Variants in GC observed in about 807,000 individuals in gnomAD.
The protein encoded by GC is GC vitamin D binding protein, also known as vitamin D-binding protein.
A neutral mutation model predicts 56.7 loss-of-function variants in GC; 43 were observed. That is an observed-to-expected ratio of 0.76 (90% CI 0.59 to 0.98). The LOEUF (loss-of-function observed/expected upper bound fraction) is 0.98. Among genes scored for constraint, GC ranks in the 50% least tolerant of loss-of-function variants. GC has a pLI of 0.00. For synonymous variants in GC, 216 were observed against 202.7 expected (o/e 1.07, Z -0.56); for missense variants, 529 against 545.9 (o/e 0.97, Z 0.31).
chr4:71,797,092 T>C lies in GC; in HGVS notation c.21+6834A>G, dbSNP rs537111469. Among the ~76,000 whole-genome samples, 4 of 152,348 alleles carry C rather than the reference T, an allele frequency of 2.6e-5. No individual in the cohort carries two copies. In the East Asian group the frequency reaches 7.7e-4, roughly 29 times the overall value. Reference sequence around the variant, plus strand: ...CAGAGGGGCACCTGCCTGTATGAGATGTCTGTCAGCCCCTACTGTGAGATG... The same window carrying C: ...CAGAGGGGCACCTGCCTGTATGAGACGTCTGTCAGCCCCTACTGTGAGATG... On this transcript the variant is annotated intron_variant, in intron 1 of 13. Transcript: ENST00000504199.
At chr4:71,802,675 G>A (rs559680686) in intron 1 of GC, among the ~76,000 whole-genome samples, 34 of 152,258 alleles carry the variant, frequency 2.2e-4, no homozygotes, top group African/African-American at 8.2e-4. Context: ...GCTCTTTCTT[G>A]ATATCTGAGA....
In GC at chr4:71,763,343, C is replaced by T. The variant is rs1411293622; in HGVS notation, c.701+65G>A. The T allele has an allele frequency of 1.4e-5, 11 of 766,998 alleles. No individual in the cohort carries two copies. The Admixed American group carries it at 2.2e-4, about 15-fold the overall frequency. 47.5% of individuals were successfully genotyped at this position (766,998 alleles called of 1,614,324 possible). On this transcript the variant is annotated intron_variant, in intron 6 of 12. Transcript: ENST00000273951. The stretch of plus-strand genomic sequence containing the variant: ...ATATAGACAGCTTCTTAAAAAAACC[C>T]TAATATTATGGATAGACAGTGCAGA...
chr4:71,743,144 A>C (rs769411168), intron 12 of GC, among the ~76,000 whole-genome samples: 7 of 152,206 alleles, frequency 4.6e-5, no homozygotes, highest in Non-Finnish European at 7.3e-5. Context: ...ATTGAGAGTG[A>C]AATAGCGTGA....
chr4:71,746,328 C>T (rs556194067), intron 11 of GC, 123 bp from the exon 12 acceptor site: 1 of 553,502 alleles, frequency 1.8e-6, no homozygotes, highest in East Asian at 2.9e-5. Context: ...TGCCAAGATG[C>T]AATGTTACAT....
At chr4:71,747,306 G>A (rs1463252459) in intron 11 of GC, among the ~76,000 whole-genome samples, 1 of 152,056 alleles carries the variant, frequency 6.6e-6, no homozygotes, top group Non-Finnish European at 1.5e-5. Flanking sequence ...GTAGAGATTT[G>A]GAGATTAAAA....
rs80250535 is a variant in GC, at chr4:71,743,211, G to T, written c.*26-1341C>A. On this transcript the variant is annotated intron_variant, in intron 12 of 12. Coordinates refer to ENST00000273951, the MANE Select transcript of GC (RefSeq NM_000583.4). ...ATTACTAGGGATCGGAATACCTTGA[G>T]ACAAAAGGCTTCAACTTCTATGAGT... Among the ~76,000 whole-genome samples, 586 of 152,260 alleles carry T rather than the reference G, an allele frequency of 3.8e-3. 21 individuals carry two copies. In the East Asian group the frequency reaches 0.11, roughly 27 times the overall value.
chr4:71,741,903 A>G, intron 12 of GC, 33 bp from the exon 13 acceptor site: 1 of 702,860 alleles, frequency 1.4e-6, no homozygotes, highest in African/African-American at 1.7e-5. Flanking sequence ...TTTATGTTAG[A>G]AAAACAGAGC....
intron 12 of GC, among the ~76,000 whole-genome samples, chr4:71,744,218 G>A (rs1050132493): frequency 2.7e-5 from 4 of 150,862 alleles, no homozygotes; most frequent in Non-Finnish European, 4.4e-5. Flanking sequence ...CGAGGCGGGC[G>A]GATCACGAGG....
At chr4:71,765,805 G>T (rs1305608713) in intron 3 of GC, among the ~76,000 whole-genome samples, 162 bp from the exon 4 acceptor site, 2 of 152,126 alleles carry the variant, frequency 1.3e-5, no homozygotes, top group Non-Finnish European at 2.9e-5. Flanking sequence ...ATGACAAGTT[G>T]TGTGATTATC....
chr4:71,804,488 T>G (rs1251410171), upstream of GC, among the ~76,000 whole-genome samples: 1 of 152,130 alleles, frequency 6.6e-6, no homozygotes, highest in Non-Finnish European at 1.5e-5. Flanking sequence ...CTTTATGTTT[T>G]GCCAGCCAAT....
At chr4:71,780,230 A>T (rs1222570608) in intron 1 of GC, among the ~76,000 whole-genome samples, 1 of 152,124 alleles carries the variant, frequency 6.6e-6, no homozygotes, top group Non-Finnish European at 1.5e-5. Context: ...TACAAAAATT[A>T]ATTCAAGATG....
At chr4:71,771,419 G>A (rs897562719) in intron 1 of GC, among the ~76,000 whole-genome samples, 1 of 151,888 alleles carries the variant, frequency 6.6e-6, no homozygotes, top group Non-Finnish European at 1.5e-5. Flanking sequence ...GGAAGCAGTC[G>A]CAGCATGTAC....
chr4:71,798,823 C>T (rs1743176715), intron 1 of GC, among the ~76,000 whole-genome samples: 1 of 152,188 alleles, frequency 6.6e-6, no homozygotes, highest in South Asian at 2.1e-4. Flanking sequence ...TCTTTTAGCA[C>T]TACTTAACTT....
At chr4:71,778,889 C>G (rs1742585483) in intron 1 of GC, among the ~76,000 whole-genome samples, 1 of 21,698 alleles carries the variant, frequency 4.6e-5, no homozygotes, top group Non-Finnish European at 1.2e-4. Context: ...ATATTGCTGT[C>G]AGTTATTATT....
chr4:71,751,192 G>C (rs978925568), intron 11 of GC, among the ~76,000 whole-genome samples: 1 of 152,102 alleles, frequency 6.6e-6, no homozygotes, highest in Non-Finnish European at 1.5e-5. Context: ...TCTGAAAAAG[G>C]CCAGCAAAAT....
At chr4:71,768,479 T>A (rs1742240128) in intron 2 of GC, 46 bp from the exon 3 acceptor site, 1 of 1,556,678 alleles carries the variant, frequency 6.4e-7, no homozygotes, top group African/African-American at 1.4e-5. Context: ...TGAAAGGTTT[T>A]TTTTTTTGAG....
At chr4:71,778,246 G>A (rs1405026564) in intron 1 of GC, among the ~76,000 whole-genome samples, 1 of 151,856 alleles carries the variant, frequency 6.6e-6, no homozygotes, top group African/African-American at 2.4e-5. Context: ...CAATTCATAT[G>A]TGATTTCATT....
upstream of GC, chr4:71,804,130 C>A (rs961740703): frequency 6.5e-6 from 4 of 615,970 alleles, no homozygotes; most frequent in African/African-American, 5.5e-5. Flanking sequence ...GTCCCACAGA[C>A]CCTGGCTGAG....
intron 1 of GC, among the ~76,000 whole-genome samples, chr4:71,796,711 C>T (rs142866195): frequency 3.3e-4 from 51 of 152,250 alleles, no homozygotes; most frequent in Non-Finnish European, 5.6e-4. Context: ...CCGTTGCTGG[C>T]GAGGAGCTGC....
Sources: allele counts gnomAD v4.1 joint callset (sites outside exome capture counted in the v4.1 genomes callset), GRCh38; gene constraint gnomAD v4.1.1; transcripts MANE v1.5; gene names NCBI Gene and HGNC (gene_info 2026-07-23, HGNC 2026-07-21).